Variants in ZAP70 observed in about 807,000 individuals in gnomAD.
ZAP70 encodes the protein tyrosine-protein kinase ZAP-70.
In ZAP70, 27 loss-of-function variants were observed where a neutral mutation model predicts 65.8. The observed-to-expected ratio is 0.41, with a 90% CI of 0.30 to 0.57. ZAP70 has a LOEUF of 0.57. Among genes scored for constraint, ZAP70 ranks in the 20% least tolerant of loss-of-function variants. ZAP70 has a pLI of 0.28. For missense variants in ZAP70, 696 were observed against 870.5 expected (o/e 0.80, Z 2.52); for synonymous variants, 363 against 360.8 (o/e 1.01, Z -0.07).
intron 2 of ZAP70, among the ~76,000 whole-genome samples, chr2:97,719,289 G>C (rs1162932197): frequency 4.0e-5 from 6 of 150,974 alleles, no homozygotes; most frequent in Non-Finnish European, 7.4e-5. Flanking sequence ...GGCTCTGGGA[G>C]AGGTGGGTGT....
intron 4 of ZAP70, among the ~76,000 whole-genome samples, chr2:97,729,584 G>A (rs533254610): frequency 6.6e-5 from 10 of 152,228 alleles, no homozygotes; most frequent in East Asian, 1.9e-4. Context: ...GTTTACAATC[G>A]TGAACCAGAG....
rs2276644 is a variant in ZAP70, at chr2:97,713,755, A to G, written c.-101+81A>G. 104,130 of 152,352 alleles carry G rather than the reference A, an allele frequency of 0.68. 36,551 individuals carry two copies. The highest frequency in any genetic ancestry group is 0.73 in the Non-Finnish European group (50,114 of 68,194). 9.4% of individuals were successfully genotyped at this position (152,352 alleles called of 1,614,324 possible). On this transcript the variant is annotated intron_variant, in intron 1 of 13. Coordinates refer to ENST00000264972, the MANE Select transcript of ZAP70 (RefSeq NM_001079.4). ...GGGGCTCTGGGAGACCTGGCAGAGG[A>G]TGAACCCCCCCCATCCATGAGTGAG... is the stretch of plus-strand genomic sequence containing the variant.
chr2:97,740,909 A>G (rs1474860516), downstream of ZAP70, among the ~76,000 whole-genome samples: 1 of 152,208 alleles, frequency 6.6e-6, no homozygotes, highest in Non-Finnish European at 1.5e-5. Context: ...AGTTTGAGAG[A>G]TAAAAGTGGG....
chr2:97,720,083 T>C (rs1455066711), intron 2 of ZAP70, among the ~76,000 whole-genome samples: 1 of 152,206 alleles, frequency 6.6e-6, no homozygotes, highest in Non-Finnish European at 1.5e-5. Flanking sequence ...TATTCATCTG[T>C]TGGGAAACAT....
In ZAP70 at chr2:97,715,469, T is replaced by G. The variant is rs1023112294; in HGVS notation, c.-22+1475T>G. Among the ~76,000 whole-genome samples, 4 of 152,162 alleles carry G rather than the reference T, an allele frequency of 2.6e-5. No homozygotes were observed. Among genetic ancestry groups the G allele is most frequent in the Non-Finnish European group, 4.4e-5 (3 of 68,032 alleles). On this transcript the variant is annotated intron_variant, in intron 2 of 13. Transcript: ENST00000264972. The surrounding 1 kb of genome is among the most constrained non-coding windows in gnomAD (Gnocchi z 4.1). Reference sequence around the variant, plus strand: ...AGCCTGAGGCCCAGAGAGGGACCGCTGCTTGCTGAGGTCACACAGGCAGTG... The same window carrying G: ...AGCCTGAGGCCCAGAGAGGGACCGCGGCTTGCTGAGGTCACACAGGCAGTG...
At chr2:97,732,721 A>C (rs1677659584) in intron 4 of ZAP70, 162 bp from the exon 5 acceptor site, 1 of 1,010,326 alleles carries the variant, frequency 9.9e-7, no homozygotes. Flanking sequence ...TCATCAGCAG[A>C]TCTGGAGGTG....
intron 2 of ZAP70, among the ~76,000 whole-genome samples, chr2:97,723,668 C>A (rs1311276024): frequency 6.6e-6 from 1 of 152,248 alleles, no homozygotes; most frequent in Admixed American, 6.5e-5. Context: ...GCGCCTGCCT[C>A]AAGCGTGCAT....
At chr2:97,747,288 A>G in the ZAP70 span, among the ~76,000 whole-genome samples, 2 of 152,276 alleles carry the variant, frequency 1.3e-5, no homozygotes, top group Non-Finnish European at 2.9e-5. Context: ...GGCATTATTC[A>G]TAACAGCCAA....
chr2:97,720,094 G>GT (rs1559317343), intron 2 of ZAP70, among the ~76,000 whole-genome samples: 2 of 152,328 alleles, frequency 1.3e-5, no homozygotes, highest in East Asian at 3.9e-4. Context: ...TGGGAAACAT[G>GT]TAAGTTATTC....
At position 97,713,690 on chromosome 2, in the gene ZAP70, C is replaced by T. The variant is rs561090386; in HGVS notation, c.-101+16C>T. ...GGGCATTCAGGTAAGCGGCTGTCCT[C>T]GGGCCTTCTGCCTGTGTCCTGCCAC... On this transcript the variant is annotated intron_variant, in intron 1 of 13. Transcript: ENST00000264972. The T allele has an allele frequency of 4.6e-5, 7 of 152,536 alleles. No homozygotes were observed. Among genetic ancestry groups the T allele is most frequent in the East Asian group, 3.9e-4 (2 of 5,188 alleles). 9.4% of individuals were successfully genotyped at this position (152,536 alleles called of 1,614,324 possible).
chr2:97,734,348 T>C (rs1677750185), intron 8 of ZAP70, 172 bp from the exon 9 acceptor site: 2 of 1,429,912 alleles, frequency 1.4e-6, no homozygotes, highest in Non-Finnish European at 9.1e-7. Flanking sequence ...TGGCCAGGAG[T>C]GTATGCCAGT....
At chr2:97,725,057 C>G in intron 3 of ZAP70, 35 bp from the exon 4 acceptor site, 1 of 1,612,488 alleles carries the variant, frequency 6.2e-7, no homozygotes, top group Non-Finnish European at 8.5e-7. Context: ...AGCACTTGGC[C>G]ACACCTACAG....
chr2:97,725,028 G>C lies in ZAP70; in HGVS notation c.403-64G>C. The stretch of plus-strand genomic sequence containing the variant: ...GGAGTCCTCTGGGACAGGGCTCCCG[G>C]AAGGGGGTTCCTGTGGCGAGCACTT... On this transcript the variant is annotated intron_variant, in intron 3 of 13. Transcript: ENST00000264972. The C allele has an allele frequency of 2.5e-6, 4 of 1,604,772 alleles. No homozygotes were observed. In the South Asian group the frequency reaches 3.3e-5, roughly 13 times the overall value.
intron 2 of ZAP70, among the ~76,000 whole-genome samples, chr2:97,721,445 A>T (rs1243930638): frequency 6.6e-6 from 1 of 151,686 alleles, no homozygotes. Flanking sequence ...ACAGAGTCTC[A>T]CTCTGTCGCC....
rs79546462 is a variant in ZAP70, at chr2:97,720,164, G to A, written c.-21-3852G>A. On this transcript the variant is annotated intron_variant, in intron 2 of 13. Coordinates refer to ENST00000264972, the MANE Select transcript of ZAP70 (RefSeq NM_001079.4). The stretch of plus-strand genomic sequence containing the variant: ...AATGTTCCTGTGTAGGTTTTTGTGT[G>A]AATGTAAATTTCCATTTCTTTAGAG... Among the ~76,000 whole-genome samples, 714 of 152,242 alleles carry A rather than the reference G, an allele frequency of 4.7e-3. 17 individuals are homozygous for A. The East Asian group carries it at 0.07, about 15-fold the overall frequency.
At chr2:97,722,919 A>G (rs953608469) in intron 2 of ZAP70, among the ~76,000 whole-genome samples, 3 of 152,130 alleles carry the variant, frequency 2.0e-5, no homozygotes, top group Admixed American at 6.5e-5. Flanking sequence ...AGGGTTCAAT[A>G]TTTTATGTTT....
chr2:97,734,927 A>C, intron 9 of ZAP70: 4 of 734,658 alleles, frequency 5.4e-6, no homozygotes, highest in Non-Finnish European at 8.8e-6. Flanking sequence ...GAGGCTGTGG[A>C]GCTGAAGTTC....
At chr2:97,727,800 C>T (rs1677451171) in intron 4 of ZAP70, among the ~76,000 whole-genome samples, 1 of 152,114 alleles carries the variant, frequency 6.6e-6, no homozygotes, top group Non-Finnish European at 1.5e-5. Context: ...TCTCAGTTTT[C>T]CTTTCTTCTT....
chr2:97,726,590 C>T (rs1261712569), intron 4 of ZAP70, among the ~76,000 whole-genome samples: 2 of 152,380 alleles, frequency 1.3e-5, no homozygotes, highest in South Asian at 2.1e-4. Flanking sequence ...CCTTGATTTT[C>T]CTCACCCATG....
Sources: gnomAD v4.1 joint callset for allele counts (sites outside exome capture counted in the v4.1 genomes callset) on GRCh38, gnomAD v4.1.1 for gene constraint, Gnocchi (gnomAD v3.1) non-coding constraint, MANE v1.5 for transcripts, NCBI Gene and HGNC (gene_info 2026-07-23, HGNC 2026-07-21) for gene names.